Variants in GRIA2 observed in about 807,000 individuals in gnomAD.
GRIA2 encodes glutamate ionotropic receptor AMPA type subunit 2.
In GRIA2, 14 loss-of-function variants were observed where a neutral mutation model predicts 97.3. The ratio of observed to expected loss-of-function variants is 0.14; its 90% CI spans 0.10 to 0.23. GRIA2 has a LOEUF of 0.23. Among genes scored for constraint, GRIA2 ranks in the 10% least tolerant of loss-of-function variants. The probability of loss-of-function intolerance (pLI) is 1.00; values close to 1 mark genes in which losing one functional copy is unlikely to be tolerated. For missense variants in GRIA2, 558 were observed against 1,069.8 expected (o/e 0.52, Z 6.67); for synonymous variants, 412 against 387.8 (o/e 1.06, Z -0.73).
At chr4:157,243,727 G>C (rs1730606600) in intron 2 of GRIA2, among the ~76,000 whole-genome samples, 1 of 152,064 alleles carries the variant, frequency 6.6e-6, no homozygotes, top group African/African-American at 2.4e-5. Flanking sequence ...GATGTGTGCT[G>C]TATGTACCTG....
intron 2 of GRIA2, among the ~76,000 whole-genome samples, chr4:157,257,639 CTATT>C (rs1731337983): frequency 1.3e-5 from 2 of 152,054 alleles, no homozygotes; most frequent in Non-Finnish European, 2.9e-5. Flanking sequence ...ATCTTTTAAT[CTATT>C]TATGAAGATA....
At chr4:157,278,824 A>G (rs930054094) in intron 2 of GRIA2, among the ~76,000 whole-genome samples, 1 of 152,076 alleles carries the variant, frequency 6.6e-6, no homozygotes, top group Non-Finnish European at 1.5e-5. Context: ...TTGAACACAC[A>G]TCTCATTGAA....
chr4:157,286,638 G>T (rs1732857968), intron 2 of GRIA2, among the ~76,000 whole-genome samples: 1 of 135,428 alleles, frequency 7.4e-6, no homozygotes, highest in Admixed American at 7.1e-5. Context: ...TTTTCTATGT[G>T]TAATTTATGT....
chr4:157,239,293 T>G (rs1191618136), intron 2 of GRIA2, among the ~76,000 whole-genome samples: 1 of 152,082 alleles, frequency 6.6e-6, no homozygotes, highest in Non-Finnish European at 1.5e-5. Context: ...TTTAATTCTT[T>G]TCCATGGTTT....
intron 2 of GRIA2, among the ~76,000 whole-genome samples, chr4:157,271,671 G>T (rs1420788109): frequency 2.0e-5 from 3 of 152,018 alleles, no homozygotes; most frequent in Admixed American, 1.3e-4. Context: ...GGTCATTGGT[G>T]ATCGACTTAG....
chr4:157,321,352 C>A, intron 5 of GRIA2, 86 bp from the exon 6 acceptor site: 1 of 914,730 alleles, frequency 1.1e-6, no homozygotes, highest in Non-Finnish European at 1.7e-6. Flanking sequence ...ATATCTAAAA[C>A]CACAATGTAT....
At chr4:157,320,079 A>G (rs1734493350) in intron 5 of GRIA2, among the ~76,000 whole-genome samples, 1 of 152,154 alleles carries the variant, frequency 6.6e-6, no homozygotes, top group African/African-American at 2.4e-5. Flanking sequence ...AGCTTTATTC[A>G]TAGGCATGAA....
At chr4:157,349,091 C>T (rs1200106335) in intron 12 of GRIA2, among the ~76,000 whole-genome samples, 1 of 152,092 alleles carries the variant, frequency 6.6e-6, no homozygotes, top group Non-Finnish European at 1.5e-5. Context: ...ATCTTTTTAT[C>T]AGAAAGATGG....
chr4:157,308,022 A>G (rs1733916816), intron 3 of GRIA2, among the ~76,000 whole-genome samples: 1 of 152,244 alleles, frequency 6.6e-6, no homozygotes, highest in Admixed American at 6.5e-5. Flanking sequence ...TTTTAAATGG[A>G]GCAAAGAAAA....
intron 2 of GRIA2, among the ~76,000 whole-genome samples, chr4:157,247,641 G>C (rs1730791150): frequency 6.6e-6 from 1 of 152,128 alleles, no homozygotes; most frequent in Non-Finnish European, 1.5e-5. Context: ...TCTGGCTGGA[G>C]GGTTATTTCG....
At chr4:157,271,804 T>C (rs1579320629) in intron 2 of GRIA2, among the ~76,000 whole-genome samples, 1 of 152,244 alleles carries the variant, frequency 6.6e-6, no homozygotes, top group African/African-American at 2.4e-5. Context: ...GCCAGCTATC[T>C]GTCAACTCAT....
At chr4:157,293,431 A>T (rs1027619943) in intron 2 of GRIA2, among the ~76,000 whole-genome samples, 5 of 152,156 alleles carry the variant, frequency 3.3e-5, no homozygotes, top group African/African-American at 1.2e-4. Flanking sequence ...TATCAAAGTA[A>T]GCCACAAGAT....
At chr4:157,355,924 T>TAACATAA (rs1736292037) in intron 12 of GRIA2, among the ~76,000 whole-genome samples, 1 of 15,106 alleles carries the variant, frequency 6.6e-5, no homozygotes, top group Non-Finnish European at 2.6e-4. Flanking sequence ...TTAATATATT[T>TAACATAA]ATATATATTT....
chr4:157,229,548 G>A (rs111714914), intron 2 of GRIA2, among the ~76,000 whole-genome samples: 10,340 of 152,014 alleles, frequency 0.068, 671 homozygotes, highest in African/African-American at 0.17. Context: ...GATTGCTTAC[G>A]TTTTTGTATC....
At chr4:157,273,727 G>T (rs1003817392) in intron 2 of GRIA2, among the ~76,000 whole-genome samples, 1 of 151,904 alleles carries the variant, frequency 6.6e-6, no homozygotes, top group African/African-American at 2.4e-5. Flanking sequence ...GAATAGCCAA[G>T]AACTATGGGA....
intron 2 of GRIA2, among the ~76,000 whole-genome samples, chr4:157,250,586 TA>T (rs1204988466): frequency 6.6e-6 from 1 of 152,086 alleles, no homozygotes; most frequent in African/African-American, 2.4e-5. Context: ...TACCTACTTT[TA>T]AAGTTCACGA....
intron 2 of GRIA2, among the ~76,000 whole-genome samples, chr4:157,243,592 CT>C (rs1289767710): frequency 6.6e-6 from 1 of 152,112 alleles, no homozygotes; most frequent in Non-Finnish European, 1.5e-5. Flanking sequence ...CATTAAACTC[CT>C]TTGAGGTGTC....
At chr4:157,352,345 A>C (rs1736045199) in intron 12 of GRIA2, among the ~76,000 whole-genome samples, 1 of 152,174 alleles carries the variant, frequency 6.6e-6, no homozygotes, top group African/African-American at 2.4e-5. Flanking sequence ...TTCTATAATA[A>C]AGGGCTTAGA....
chr4:157,304,070 G>T (rs868539000), intron 3 of GRIA2, among the ~76,000 whole-genome samples: 2 of 152,126 alleles, frequency 1.3e-5, no homozygotes, highest in Non-Finnish European at 1.5e-5. Context: ...GCAATTTTTT[G>T]CATCAGCAGC....
Sources: gnomAD v4.1 joint callset for allele counts (sites outside exome capture counted in the v4.1 genomes callset) on GRCh38, gnomAD v4.1.1 for gene constraint, MANE v1.5 for transcripts, NCBI Gene and HGNC (gene_info 2026-07-23, HGNC 2026-07-21) for gene names.